FNDC1: variants seen among roughly 807,000 people sequenced by gnomAD.
FNDC1 encodes the protein fibronectin type III domain containing 1.
FNDC1 carries 96 observed loss-of-function variants against 168.0 expected under a neutral mutation model. The ratio of observed to expected loss-of-function variants is 0.57; its 90% CI spans 0.48 to 0.68. FNDC1 has a LOEUF of 0.68. Among genes scored for constraint, FNDC1 ranks in the 30% least tolerant of loss-of-function variants. The probability of loss-of-function intolerance (pLI) is 0.00; values close to 1 mark genes in which losing one functional copy is unlikely to be tolerated. For missense variants in FNDC1, 2,587 were observed against 2,482.1 expected (o/e 1.04, Z -0.90); for synonymous variants, 1,099 against 1,025.9 (o/e 1.07, Z -1.36).
chr6:159,235,075 G>A (rs59701391), intron 11 of FNDC1, among the ~76,000 whole-genome samples: 11,257 of 152,288 alleles, frequency 0.074, 451 homozygotes, highest in Middle Eastern at 0.085. Flanking sequence ...AGTGCAATTA[G>A]TGCATGTTGT....
chr6:159,223,710 A>G lies in FNDC1; in HGVS notation c.884+65A>G, dbSNP rs1231696957. 4 of 896,984 alleles carry G rather than the reference A, an allele frequency of 4.5e-6. No individual in the cohort carries two copies. In the South Asian group the frequency reaches 4.6e-5, roughly 10 times the overall value. The allele number at this position is 896,984 out of a possible 1,614,324, so 55.6% of individuals were successfully genotyped here. On this transcript the variant is annotated intron_variant, in intron 7 of 22. Coordinates refer to ENST00000297267, the MANE Select transcript of FNDC1 (RefSeq NM_032532.3). ...GGGGTTTTTCTGGCCCTGAAAAGAC[A>G]TGTATTTAATGATTTTATTTTCTGA...
At chr6:159,176,475 T>A (rs6916996) in intron 1 of FNDC1, among the ~76,000 whole-genome samples, 6,100 of 152,262 alleles carry the variant, frequency 0.04, 413 homozygotes, top group African/African-American at 0.14. Context: ...CCAGCTATAT[T>A]TGAGCCCTTT....
At chr6:159,192,674 A>G (rs1782165373) in intron 1 of FNDC1, among the ~76,000 whole-genome samples, 1 of 152,194 alleles carries the variant, frequency 6.6e-6, no homozygotes, top group Non-Finnish European at 1.5e-5. Flanking sequence ...ATAGACAGTA[A>G]GGGAATATTG....
chr6:159,214,622 T>A (rs1455102660), intron 4 of FNDC1, among the ~76,000 whole-genome samples: 1 of 152,178 alleles, frequency 6.6e-6, no homozygotes, highest in Non-Finnish European at 1.5e-5. Flanking sequence ...GAATATATAG[T>A]TTTGGCCTAA....
intron 12 of FNDC1, 149 bp from the exon 13 acceptor site, chr6:159,238,405 T>A: frequency 1.7e-6 from 1 of 583,034 alleles, no homozygotes; most frequent in Admixed American, 3.4e-5. Flanking sequence ...TTTTTAAGAC[T>A]TTATGAATGA....
chr6:159,239,748 C>T lies in FNDC1; in HGVS notation c.4412C>T (p.Ala1471Val), dbSNP rs1196356420. The T allele has an allele frequency of 3.4e-5, 1 of 29,462 alleles. No individual in the cohort carries two copies. Among genetic ancestry groups the T allele is most frequent in the East Asian group, 1.9e-4 (1 of 5,178 alleles). 1.8% of individuals were successfully genotyped at this position (29,462 alleles called of 1,614,324 possible). A position where few individuals can be genotyped will look rare whatever the true frequency, so the allele number is the denominator to read the frequency against. The change falls in exon 14 of 23, where the codon GCC becomes GTC. Residue 1471 changes from alanine (A) to valine (V), a missense_variant. Physicochemically the swap from Ala to Val is moderately conservative, Grantham distance 64. Coordinates refer to ENST00000297267, the MANE Select transcript of FNDC1 (RefSeq NM_032532.3). ...ACTACAACCCCGAGGCCCACCACTG[C>T]CACCACCCGCCGCACGACCACCACC... ...PTTTTPRPTT[A>V]TTRRTTTTRR...
At chr6:159,269,238 T>C (rs867483627) in intron 22 of FNDC1, among the ~76,000 whole-genome samples, 1,950 of 123,216 alleles carry the variant, frequency 0.016, 36 homozygotes, top group African/African-American at 0.056. Context: ...TCTATCTATC[T>C]ATCTATCTAT....
Position 159,234,194 on chromosome 6 carries a change from A to T in FNDC1, c.3682A>T (p.Ile1228Phe). 4 of 1,599,086 alleles carry T rather than the reference A, an allele frequency of 2.5e-6. No homozygotes were observed. The highest frequency in any genetic ancestry group is 3.4e-6 in the Non-Finnish European group (4 of 1,172,860). The change falls in exon 11 of 23, where the codon ATC (isoleucine) becomes TTC (phenylalanine). Residue 1228 changes from isoleucine to phenylalanine, a missense_variant. By Grantham distance (21) the Ile-to-Phe change is conservative. Transcript: ENST00000297267. ...SLAKEEREPA[I>F]ALAPRGGSLA... is the part of the protein sequence containing the mutation. Reference sequence around the variant, plus strand: ...CGCCAAGGAAGAGAGGGAGCCTGCCATCGCGCTTGCCCCTCGCGGAGGGAG... The same window carrying T: ...CGCCAAGGAAGAGAGGGAGCCTGCCTTCGCGCTTGCCCCTCGCGGAGGGAG...
At chr6:159,269,506 C>G (rs56911523) in intron 22 of FNDC1, among the ~76,000 whole-genome samples, 2,378 of 116,248 alleles carry the variant, frequency 0.02, 53 homozygotes, top group African/African-American at 0.044. Context: ...ATCTATCCAT[C>G]CATCCATGCA....
intron 12 of FNDC1, 35 bp from the exon 13 acceptor site, chr6:159,238,518 GT>G (rs1783321318): frequency 1.4e-6 from 2 of 1,446,204 alleles, no homozygotes; most frequent in Non-Finnish European, 1.9e-6. Flanking sequence ...ATTTCAAAAT[GT>G]CCAATATATT....
chr6:159,232,680 A>G lies in FNDC1; in HGVS notation c.2168A>G (p.His723Arg). The G allele has an allele frequency of 1.9e-6, 3 of 1,613,728 alleles. No homozygotes were observed. The highest frequency in any genetic ancestry group is 1.6e-4 in the Middle Eastern group (1 of 6,062). Reference protein sequence around the residue: ...SAPPSRLSPPHGGSSRLLPTQ... With the variant: ...SAPPSRLSPPRGGSSRLLPTQ... ...CCACCCTCAAGACTTTCTCCACCCC[A>G]TGGGGGATCATCTCGGCTGCTGCCC... The change falls in exon 11 of 23, where the codon CAT (histidine) becomes CGT (arginine). Residue 723 changes from histidine (H) to arginine (R), a missense_variant. Physicochemically the swap from His to Arg is conservative, Grantham distance 29 (BLOSUM62 0). Coordinates refer to ENST00000297267, the MANE Select transcript of FNDC1 (RefSeq NM_032532.3). The surrounding 1 kb of genome is among the most constrained non-coding windows in gnomAD (Gnocchi z 4.9).
intron 14 of FNDC1, among the ~76,000 whole-genome samples, chr6:159,242,949 C>T (rs142922770): frequency 0.016 from 2,387 of 152,130 alleles, 72 homozygotes; most frequent in African/African-American, 0.054. Context: ...GGGTTATTTC[C>T]ACTTTTTGGT....
rs57320866 is a variant in FNDC1, at chr6:159,269,597, G to A, written c.5569+1671G>A. Among the ~76,000 whole-genome samples, 652 of 123,930 alleles carry A rather than the reference G, an allele frequency of 5.3e-3. 2 individuals carry two copies. The highest frequency in any genetic ancestry group is 0.02 in the East Asian group (76 of 3,854). The allele number at this position is 123,930 out of a possible 152,430, so 81.3% of individuals were successfully genotyped here. ...ATCCTATCTGTCTGTCTGTCTGTCTGTCTATCTATCTATCTATCTATCTAT... is the reference window on the plus strand; with the variant it reads ...ATCCTATCTGTCTGTCTGTCTGTCTATCTATCTATCTATCTATCTATCTAT... On this transcript the variant is annotated intron_variant, in intron 22 of 22. Transcript: ENST00000297267.
intron 19 of FNDC1, among the ~76,000 whole-genome samples, chr6:159,263,351 T>C (rs1478835573): frequency 6.6e-6 from 1 of 152,162 alleles, no homozygotes; most frequent in East Asian, 1.9e-4. Context: ...CATGAACTGA[T>C]GCAGGCGTGA....
At chr6:159,194,278 C>T (rs972671069) in intron 1 of FNDC1, among the ~76,000 whole-genome samples, 1 of 152,198 alleles carries the variant, frequency 6.6e-6, no homozygotes, top group African/African-American at 2.4e-5. Flanking sequence ...GTGAAGTTTC[C>T]TCCCAATGTT....
rs114812276 is a variant in FNDC1 at position 159,234,869 on chromosome 6, C to T, written c.3967+390C>T. 3.3e-3 allele frequency among the ~76,000 whole-genome samples: 503 copies of T among 152,388 alleles called. 4 individuals are homozygous for T. Among genetic ancestry groups the T allele is most frequent in the African/African-American group, 0.012 (488 of 41,596 alleles). The stretch of plus-strand genomic sequence containing the variant: ...TTAACCTGTGAAAATGTGTCACAAC[C>T]ATGATGCCCAACTCAGGTTCTTCTT... On this transcript the variant is annotated intron_variant, in intron 11 of 22. Coordinates refer to ENST00000297267, the MANE Select transcript of FNDC1 (RefSeq NM_032532.3).
chr6:159,269,455 CATCTATCT>C (rs71033526), intron 22 of FNDC1, among the ~76,000 whole-genome samples: 2,556 of 93,912 alleles, frequency 0.027, 53 homozygotes, highest in Non-Finnish European at 0.031. Flanking sequence ...TACCTATTCA[CATCTATCT>C]ATCTATCTAT....
chr6:159,195,940 T>C (rs1365194359), intron 1 of FNDC1, among the ~76,000 whole-genome samples: 1 of 152,230 alleles, frequency 6.6e-6, no homozygotes, highest in African/African-American at 2.4e-5. Flanking sequence ...CTTCCATTTG[T>C]AGTTTTCGGA....
At chr6:159,179,103 C>T (rs1781829613) in intron 1 of FNDC1, among the ~76,000 whole-genome samples, 1 of 152,248 alleles carries the variant, frequency 6.6e-6, no homozygotes, top group East Asian at 1.9e-4. Flanking sequence ...TACGAGGCCT[C>T]TTCCAGCCTT....
Sources: allele counts gnomAD v4.1 joint callset (sites outside exome capture counted in the v4.1 genomes callset), GRCh38; gene constraint gnomAD v4.1.1; non-coding constraint Gnocchi (gnomAD v3.1); transcripts MANE v1.5; gene names NCBI Gene and HGNC (gene_info 2026-07-23, HGNC 2026-07-21).